Variants in SAMD5 observed in about 807,000 individuals in gnomAD.
SAMD5 encodes the protein sterile alpha motif domain-containing protein 5.
SAMD5 carries 13 observed loss-of-function variants against 11.3 expected under a neutral mutation model. The ratio of observed to expected loss-of-function variants is 1.15; its 90% CI spans 0.75 to 1.83. The LOEUF (loss-of-function observed/expected upper bound fraction) is 1.83. SAMD5 is among the 40% of genes most tolerant of loss of function. The pLI is 0.00. For synonymous variants in SAMD5, 129 were observed against 111.3 expected, an observed-to-expected ratio of 1.16 and a Z score of -1.00; for missense variants, 255 against 239.1, an observed-to-expected ratio of 1.07 and a Z score of -0.44.
intron 1 of SAMD5, among the ~76,000 whole-genome samples, chr6:147,547,446 C>T (rs1362977141): frequency 6.8e-6 from 1 of 147,630 alleles, no homozygotes; most frequent in East Asian, 2.0e-4. Context: ...CAGGAGGTTC[C>T]CGTTTGCTTT....
chr6:147,702,317 A>T (rs1270759509), intron 1 of SAMD5, among the ~76,000 whole-genome samples: 2 of 152,230 alleles, frequency 1.3e-5, no homozygotes, highest in Non-Finnish European at 2.9e-5. Flanking sequence ...GGGTGGGGAC[A>T]CAGCCTAACT....
the SAMD5 span, among the ~76,000 whole-genome samples, chr6:147,840,672 G>A: frequency 6.6e-6 from 1 of 152,198 alleles, no homozygotes; most frequent in Admixed American, 6.5e-5. Context: ...GTTAAGGAAT[G>A]TTTGCTGTTG....
intron 1 of SAMD5, among the ~76,000 whole-genome samples, chr6:147,718,290 G>T (rs557439078): frequency 1.3e-5 from 2 of 152,228 alleles, no homozygotes; most frequent in South Asian, 4.1e-4. Context: ...ATCCCCCACC[G>T]AGTGTGCATG....
At chr6:147,737,536 T>C in exon 2 of SAMD5, 1 of 264,510 alleles carries the variant, frequency 3.8e-6, no homozygotes, top group South Asian at 3.7e-5. Flanking sequence ...GGTCCTCCTT[T>C]TGGGACAGTG....
At chr6:147,614,254 G>C (rs1789831764) in intron 1 of SAMD5, among the ~76,000 whole-genome samples, 1 of 151,838 alleles carries the variant, frequency 6.6e-6, no homozygotes, top group Non-Finnish European at 1.5e-5. Context: ...GATCACCTGA[G>C]CTCAGGAGTT....
chr6:147,654,985 T>A (rs1944802), intron 1 of SAMD5, among the ~76,000 whole-genome samples: 2 of 151,906 alleles, frequency 1.3e-5, no homozygotes, highest in Admixed American at 1.3e-4. Flanking sequence ...CCATGAGTGA[T>A]GATTCACCAC....
intron 1 of SAMD5, among the ~76,000 whole-genome samples, chr6:147,694,020 C>A (rs1056725509): frequency 1.3e-5 from 2 of 152,038 alleles, no homozygotes; most frequent in Non-Finnish European, 2.9e-5. Flanking sequence ...TGGAGCAGTT[C>A]TTTTTATACC....
At chr6:147,725,914 T>C (rs947901127) in intron 1 of SAMD5, among the ~76,000 whole-genome samples, 2 of 152,186 alleles carry the variant, frequency 1.3e-5, no homozygotes, top group Non-Finnish European at 2.9e-5. Context: ...CTGAAGGGGC[T>C]ATTAACACTG....
intron 1 of SAMD5, among the ~76,000 whole-genome samples, chr6:147,646,000 G>C (rs1790390803): frequency 7.5e-6 from 1 of 133,450 alleles, no homozygotes. Context: ...TTCTATATCT[G>C]TCTGTCTGTC....
intron 1 of SAMD5, among the ~76,000 whole-genome samples, chr6:147,731,172 TG>T (rs1791707688): frequency 6.6e-6 from 1 of 152,130 alleles, no homozygotes; most frequent in Non-Finnish European, 1.5e-5. Flanking sequence ...TGACAAGCAA[TG>T]GAACCAGGTC....
the SAMD5 span, among the ~76,000 whole-genome samples, chr6:147,874,422 T>G: frequency 2.0e-5 from 3 of 152,116 alleles, no homozygotes; most frequent in African/African-American, 7.2e-5. Context: ...TCAAGCTAGC[T>G]TTGCAACCCA....
the SAMD5 span, among the ~76,000 whole-genome samples, chr6:147,753,527 C>A: frequency 6.6e-6 from 1 of 152,002 alleles, no homozygotes; most frequent in Non-Finnish European, 1.5e-5. Context: ...GATAGGTATC[C>A]GTCCCCTCAA....
chr6:147,785,419 A>G, the SAMD5 span, among the ~76,000 whole-genome samples: 1 of 152,050 alleles, frequency 6.6e-6, no homozygotes, highest in African/African-American at 2.4e-5. Flanking sequence ...ACCACATCTT[A>G]CTGGGTTTTT....
the SAMD5 span, among the ~76,000 whole-genome samples, chr6:147,781,061 TTTTTTTG>T: frequency 1.2e-3 from 179 of 152,252 alleles, 2 homozygotes; most frequent in South Asian, 0.021. Flanking sequence ...GTTTTCTTAG[TTTTTTTG>T]TTTTTTAATT....
At chr6:147,814,952 T>C in the SAMD5 span, among the ~76,000 whole-genome samples, 1 of 152,132 alleles carries the variant, frequency 6.6e-6, no homozygotes, top group African/African-American at 2.4e-5. Flanking sequence ...TAAGGACCCC[T>C]GCTAAGGACA....
chr6:147,696,287 C>T (rs1360551613), intron 1 of SAMD5, among the ~76,000 whole-genome samples: 2 of 152,144 alleles, frequency 1.3e-5, no homozygotes, highest in African/African-American at 4.8e-5. Context: ...TGGGGGATTA[C>T]CTAATTCGAC....
the SAMD5 span, among the ~76,000 whole-genome samples, chr6:147,943,483 T>G: frequency 1.3e-5 from 2 of 151,920 alleles, no homozygotes; most frequent in Non-Finnish European, 2.9e-5. Flanking sequence ...ATCCTCCTCC[T>G]CCTCCTTTGC....
chr6:147,642,434 GCT>G (rs1323663686), intron 1 of SAMD5, among the ~76,000 whole-genome samples: 4 of 152,104 alleles, frequency 2.6e-5, no homozygotes, highest in African/African-American at 9.7e-5. Flanking sequence ...GTCTCACAAA[GCT>G]CTAAGTTAGG....
intron 1 of SAMD5, among the ~76,000 whole-genome samples, chr6:147,525,141 G>T (rs1788316955): frequency 6.6e-6 from 1 of 151,392 alleles, no homozygotes; most frequent in Non-Finnish European, 1.5e-5. Context: ...ATGTCTTAGA[G>T]ATTTTTATTT....
Sources: gnomAD v4.1 joint callset for allele counts (sites outside exome capture counted in the v4.1 genomes callset) on GRCh38, gnomAD v4.1.1 for gene constraint, MANE v1.5 for transcripts, NCBI Gene and HGNC (gene_info 2026-07-23, HGNC 2026-07-21) for gene names.